Variants in XPC observed in about 807,000 individuals in gnomAD.
XPC encodes the protein DNA repair protein complementing XP-C cells.
Under a neutral mutation model 95.8 loss-of-function variants are expected in XPC, and 76 were observed. The observed-to-expected ratio is 0.79, with a 90% CI of 0.66 to 0.96. XPC has a LOEUF of 0.96. XPC is among the 40% of genes least tolerant of loss of function. The pLI is 0.00. For synonymous variants in XPC, 442 were observed against 442.1 expected (o/e 1.00, Z 0.00); for missense variants, 1,146 against 1,179.8 (o/e 0.97, Z 0.42).
At chr3:14,156,256 G>A (rs1695898669) in intron 10 of XPC, 79 bp downstream of exon 10, 1 of 1,526,348 alleles carries the variant, frequency 6.6e-7, no homozygotes, top group South Asian at 1.3e-5. Context: ...GCTCCCATCA[G>A]CAACCCTTGC....
At chr3:14,155,508 A>G (rs1695866861) in intron 10 of XPC, among the ~76,000 whole-genome samples, 1 of 151,004 alleles carries the variant, frequency 6.6e-6, no homozygotes, top group Non-Finnish European at 1.5e-5. Flanking sequence ...TTTTTTAGCT[A>G]TTTCTTTTTA....
chr3:14,148,066 C>G (rs1695519571), intron 13 of XPC, 65 bp from the exon 14 acceptor site: 1 of 1,419,776 alleles, frequency 7.0e-7, no homozygotes, highest in Admixed American at 2.0e-5. Flanking sequence ...CCTCCCTCCC[C>G]AGTTTGTGGA....
Position 14,178,545 on chromosome 3 carries a change from G to T in XPC, c.24C>A (p.Gly8=). The T allele has an allele frequency of 6.2e-7, 1 of 1,612,872 alleles. No individual in the cohort carries two copies. MARKRAA[G]GEPRGRELRS... ...GCAGTTCGCGTCCCCGCGGCTCCCC[G>T]CCGGCCGCGCGTTTCCGAGCCATGT... The change falls in exon 1 of 16, where the codon GGC becomes GGA. Residue 8 remains glycine (G), a synonymous_variant. Coordinates refer to ENST00000285021, the MANE Select transcript of XPC (RefSeq NM_004628.5).
At chr3:14,148,033 A>T in intron 13 of XPC, 32 bp from the exon 14 acceptor site, 1 of 1,531,114 alleles carries the variant, frequency 6.5e-7, no homozygotes, top group Non-Finnish European at 8.9e-7. Flanking sequence ...TCAACCCTCG[A>T]ACCTGCTGCC....
chr3:14,152,366 C>T lies in XPC; in HGVS notation c.2084G>A (p.Arg695Lys). 6.2e-7 allele frequency: 1 copy of T among 1,613,422 alleles called. No individual in the cohort carries two copies. The highest frequency in any genetic ancestry group is 1.1e-5 in the South Asian group (1 of 90,868). Residue 695 changes from arginine to lysine, a missense_variant, in exon 11 of 16, where the codon AGA becomes AAA. By Grantham distance (26) the Arg-to-Lys change is conservative. Coordinates refer to ENST00000285021, the MANE Select transcript of XPC (RefSeq NM_004628.5). ...HSRDTWLKKA[R>K]VVRLGEVPYK... ...GGGTACTTCTCCAAGCCTCACCACT[C>T]TTGCTTTCTTCAGCCACGTGTCCCT...
intron 9 of XPC, among the ~76,000 whole-genome samples, chr3:14,157,046 C>G (rs1353680313): frequency 6.6e-6 from 1 of 152,226 alleles, no homozygotes; most frequent in Admixed American, 6.5e-5. Flanking sequence ...CCCTTGGCAT[C>G]TCTTCAAAAA....
intron 3 of XPC, 71 bp downstream of exon 3, chr3:14,170,367 G>T: frequency 1.4e-6 from 2 of 1,428,788 alleles, no homozygotes; most frequent in South Asian, 1.2e-5. Context: ...TTAGTGATCT[G>T]ACTCCAAACA....
intron 10 of XPC, among the ~76,000 whole-genome samples, chr3:14,155,530 AAC>A (rs1207387174): frequency 1.3e-5 from 2 of 151,978 alleles, no homozygotes; most frequent in Non-Finnish European, 2.9e-5. Context: ...TGTGGTATAA[AAC>A]ACAGTCACAT....
At chr3:14,157,466 A>G (rs1695963343) in intron 9 of XPC, among the ~76,000 whole-genome samples, 1 of 152,124 alleles carries the variant, frequency 6.6e-6, no homozygotes, top group African/African-American at 2.4e-5. Flanking sequence ...TTCTAGGATC[A>G]AGTGACATAG....
chr3:14,168,522 GCCTTGCCCTGAGT>G lies in XPC; in HGVS notation c.413-155_413-143del. 3 of 1,008,872 alleles carry G rather than the reference GCCTTGCCCTGAGT, an allele frequency of 3.0e-6. No individual in the cohort carries two copies. In the South Asian group the frequency reaches 4.5e-5, roughly 15 times the overall value. 62.5% of individuals were successfully genotyped at this position (1,008,872 alleles called of 1,614,324 possible). A position where few individuals can be genotyped will look rare whatever the true frequency, so the allele number is the denominator to read the frequency against. On this transcript the variant is annotated intron_variant, in intron 3 of 15. Transcript: ENST00000285021. ...ACAGCCCACAGAGACCCCTAGACAT[GCCTTGCCCTGAGT>G]CCTACCATGTGCCGGGCAGTGTGCT...
chr3:14,178,382 C>G, intron 1 of XPC, 84 bp downstream of exon 1: 3 of 1,444,236 alleles, frequency 2.1e-6, no homozygotes, highest in Admixed American at 2.5e-5. Context: ...ACCAGGCCTC[C>G]GCGTCTGGAC....
chr3:14,147,835 G>T, intron 14 of XPC, 73 bp downstream of exon 14: 1 of 1,373,746 alleles, frequency 7.3e-7, no homozygotes, highest in Non-Finnish European at 1.0e-6. Context: ...GAGGCGGCCT[G>T]GGGAAGGAAG....
rs890228039 is a variant in XPC at position 14,148,910 on chromosome 3, T to C, written c.2154A>G (p.Arg718=). The change falls in exon 12 of 16, where the codon CGA becomes CGG. Residue 718 remains arginine, a synonymous_variant. Transcript: ENST00000285021. The part of the protein sequence containing the change: ...KGFSNRARKA[R]LAEPQLREEN... ...CTTCCCGCAGCTGGGGCTCAGCAAG[T>C]CGGGCTTTCCGAGCACGGTTAGAAA... 4 of 1,613,952 alleles carry C rather than the reference T, an allele frequency of 2.5e-6. No individual in the cohort carries two copies. Among genetic ancestry groups the C allele is most frequent in the Non-Finnish European group, 2.5e-6 (3 of 1,179,884 alleles).
rs1244244600 is a variant in XPC at position 14,146,151 on chromosome 3, T to C, written c.2613A>G (p.Ala871=). 1 of 1,607,562 alleles carries C rather than the reference T, an allele frequency of 6.2e-7. No individual in the cohort carries two copies. The highest frequency in any genetic ancestry group is 8.5e-7 in the Non-Finnish European group (1 of 1,177,956). The change falls in exon 16 of 16, where the codon GCA becomes GCG. Residue 871 remains alanine (A), a synonymous_variant. Coordinates refer to ENST00000285021, the MANE Select transcript of XPC (RefSeq NM_004628.5). ...LKRRYGPKSE[A]AAPHTDAGGG... is the part of the protein sequence containing the mutation. ...CTCCTGCATCTGTGTGGGGAGCTGC[T>C]GCCTCACTCTGGACAGGTGGCAGTG...
chr3:14,176,537 A>G (rs567191163), intron 1 of XPC, among the ~76,000 whole-genome samples: 17 of 152,378 alleles, frequency 1.1e-4, no homozygotes, highest in African/African-American at 3.8e-4. Context: ...CACCTCATTC[A>G]TGTACAGCAC....
Position 14,168,286 on chromosome 3 carries a change from C to T in XPC, c.507G>A (p.Thr169=), listed in dbSNP as rs1286285107. Residue 169 remains threonine (T), a synonymous_variant, in exon 4 of 16, where the codon ACG becomes ACA. Coordinates refer to ENST00000285021, the MANE Select transcript of XPC (RefSeq NM_004628.5). The part of the protein sequence containing the change: ...PVKPVEIEIE[T]PEQAKTRERS... ...TTTCTCTTGTCTTCGCCTGCTCTGGCGTTTCAATCTCTATCTCCACTGGCT... is the reference window on the plus strand; with the variant it reads ...TTTCTCTTGTCTTCGCCTGCTCTGGTGTTTCAATCTCTATCTCCACTGGCT... 5.0e-6 allele frequency: 8 copies of T among 1,613,128 alleles called. No individual in the cohort carries two copies. The highest frequency in any genetic ancestry group is 1.3e-5 in the African/African-American group (1 of 74,884).
chr3:14,148,768 G>C lies in XPC; in HGVS notation c.2251-37C>G, dbSNP rs2470353. Reference sequence around the variant, plus strand: ...GAGCAAGTCAGCATTTGGCCAGCAGGGGAACAAGGCGGCCTGGTCCTGAGC... The same window carrying C: ...GAGCAAGTCAGCATTTGGCCAGCAGCGGAACAAGGCGGCCTGGTCCTGAGC... On this transcript the variant is annotated intron_variant, in intron 12 of 15. Transcript: ENST00000285021. The C allele has an allele frequency of 0.45, 728,974 of 1,612,902 alleles. 170,864 individuals are homozygous for C. The highest frequency in any genetic ancestry group is 0.48 in the Non-Finnish European group (568,293 of 1,179,168).
chr3:14,177,719 T>A (rs201290428), intron 1 of XPC, among the ~76,000 whole-genome samples: 1 of 135,214 alleles, frequency 7.4e-6, no homozygotes, highest in Admixed American at 7.5e-5. Context: ...TTTTTTTTTT[T>A]AAGATTATTT....
intron 2 of XPC, 97 bp from the exon 3 acceptor site, chr3:14,170,647 G>T: frequency 1.1e-6 from 1 of 881,962 alleles, no homozygotes; most frequent in Non-Finnish European, 1.8e-6. Flanking sequence ...CCTATTTATT[G>T]AGAATCTGTT....
Sources: gnomAD v4.1 joint callset for allele counts (sites outside exome capture counted in the v4.1 genomes callset) on GRCh38, gnomAD v4.1.1 for gene constraint, MANE v1.5 for transcripts, NCBI Gene and HGNC (gene_info 2026-07-23, HGNC 2026-07-21) for gene names.